The following SEZ6L variants were observed in gnomAD, a reference collection of about 807,000 sequenced individuals.
SEZ6L encodes seizure related 6 homolog like, also known as seizure 6-like protein.
In SEZ6L, 37 loss-of-function variants were observed where a neutral mutation model predicts 106.2. That is an observed-to-expected ratio of 0.35 (90% CI 0.27 to 0.46). The LOEUF is 0.46. Ranked by LOEUF, SEZ6L falls within the 20% of genes least tolerant of loss-of-function variation. The pLI is 1.00. For synonymous variants in SEZ6L, 541 were observed against 570.4 expected (o/e 0.95, Z 0.73); for missense variants, 1,172 against 1,332.8 (o/e 0.88, Z 1.88).
chr22:26,209,676 T>C (rs997307760), intron 1 of SEZ6L, among the ~76,000 whole-genome samples: 1 of 125,176 alleles, frequency 8.0e-6, no homozygotes, highest in Non-Finnish European at 1.6e-5. Context: ...GATGGAGAGA[T>C]AGATGACAGG....
intron 10 of SEZ6L, among the ~76,000 whole-genome samples, chr22:26,345,288 G>A (rs1438215618): frequency 1.3e-5 from 2 of 152,218 alleles, no homozygotes; most frequent in Non-Finnish European, 2.9e-5. Context: ...AGTAAACAGT[G>A]GGGACAAGAT....
At chr22:26,298,849 C>T (rs770938966) in intron 4 of SEZ6L, 135 bp from the exon 5 acceptor site, 1 of 695,054 alleles carries the variant, frequency 1.4e-6, no homozygotes, top group Non-Finnish European at 2.1e-6. Flanking sequence ...CACAAAAATA[C>T]CATTCTCCAG....
intron 1 of SEZ6L, among the ~76,000 whole-genome samples, chr22:26,196,142 A>G (rs1353223323): frequency 6.6e-6 from 1 of 152,100 alleles, no homozygotes; most frequent in Non-Finnish European, 1.5e-5. Flanking sequence ...TACTGTTCTC[A>G]TGATAGTGAG....
At chr22:26,292,137 AAAGAAAGAAAGG>A (rs1476837402) in intron 1 of SEZ6L, 7 of 386,276 alleles carry the variant, frequency 1.8e-5, no homozygotes, top group African/African-American at 1.1e-4. Context: ...GGGAGGAAAG[AAAGAAAGAAAGG>A]AAGGAAGGAA....
intron 9 of SEZ6L, among the ~76,000 whole-genome samples, chr22:26,316,880 GA>G (rs72163131): frequency 1.8e-3 from 91 of 50,596 alleles, no homozygotes; most frequent in Middle Eastern, 9.8e-3. Context: ...AGGAAAGAAA[GA>G]AAGAAAGAAA....
rs536396235 is a variant in SEZ6L at position 26,383,107 on chromosome 22, A to G, written c.*2812A>G. On this transcript the variant is annotated 3_prime_UTR_variant, in exon 17 of 17. Transcript: ENST00000248933. ...TTTTTTGTAGAATTATTTAGCTAAC[A>G]TAAGTATTCTGATTGCTACCTGATG... The G allele has an allele frequency of 8.4e-5, 12 of 143,012 alleles. No individual in the cohort carries two copies. In the East Asian group the frequency reaches 2.1e-3, roughly 25 times the overall value. The allele number at this position is 143,012 out of a possible 1,614,324, so 8.9% of individuals were successfully genotyped here. A position where few individuals can be genotyped will look rare whatever the true frequency, so the allele number is the denominator to read the frequency against.
At position 26,278,434 on chromosome 22, in the gene SEZ6L, C is replaced by T. The variant is rs142270332; in HGVS notation, c.95-13972C>T. Among the ~76,000 whole-genome samples, 361 of 152,276 alleles carry T rather than the reference C, an allele frequency of 2.4e-3. 7 individuals carry two copies. The East Asian group carries it at 0.041, about 17-fold the overall frequency. On this transcript the variant is annotated intron_variant, in intron 1 of 16. Transcript: ENST00000248933. ...GATAGGTAAGTTTTCAACCCTCACC[C>T]GTCTTCCACCCTCCCCACCTTTGGA...
At chr22:26,237,618 A>T (rs1454554567) in intron 1 of SEZ6L, among the ~76,000 whole-genome samples, 1 of 152,232 alleles carries the variant, frequency 6.6e-6, no homozygotes, top group African/African-American at 2.4e-5. Context: ...ACTAAAACCA[A>T]GGAACTGAGT....
At chr22:26,275,017 C>T (rs535751111) in intron 1 of SEZ6L, among the ~76,000 whole-genome samples, 231 of 152,280 alleles carry the variant, frequency 1.5e-3, no homozygotes, top group African/African-American at 5.0e-3. Flanking sequence ...CCCAGGTACA[C>T]GAAGACTCTA....
intron 15 of SEZ6L, among the ~76,000 whole-genome samples, chr22:26,376,457 G>A (rs1041817525): frequency 5.3e-5 from 8 of 152,228 alleles, no homozygotes; most frequent in Non-Finnish European, 8.8e-5. Flanking sequence ...AGAAACCTAT[G>A]CAGTCCAGGC....
At chr22:26,341,168 G>A (rs1038056010) in intron 10 of SEZ6L, among the ~76,000 whole-genome samples, 5 of 151,818 alleles carry the variant, frequency 3.3e-5, no homozygotes, top group Admixed American at 6.6e-5. Flanking sequence ...CCTTCCTTTC[G>A]CACTTCTTGT....
intron 5 of SEZ6L, among the ~76,000 whole-genome samples, chr22:26,300,401 G>A (rs1328987576): frequency 6.6e-6 from 1 of 151,922 alleles, no homozygotes; most frequent in African/African-American, 2.4e-5. Context: ...GAGAACATGC[G>A]GTGTTTGGTT....
intron 5 of SEZ6L, among the ~76,000 whole-genome samples, chr22:26,302,132 C>T (rs559559957): frequency 6.6e-6 from 1 of 152,312 alleles, no homozygotes; most frequent in South Asian, 2.1e-4. Flanking sequence ...AAGTAACATA[C>T]TTGAAGTGGC....
In SEZ6L at chr22:26,347,785, A is replaced by T. The variant is rs200745477; in HGVS notation, c.2279A>T (p.His760Leu). ...CAGAATGGCTGGAAAACCACTTCTC[A>T]CACGGAGTTGGTGCGGGGAGCCAGA... ...EIQNGWKTTSHTELVRGARIT... is the reference protein window; with the variant it reads ...EIQNGWKTTSLTELVRGARIT... The change falls in exon 11 of 17, where the codon CAC becomes CTC. Residue 760 changes from histidine to leucine, a missense_variant. By Grantham distance (99) the His-to-Leu change is moderately conservative. Around this residue, in one of 4 missense-constraint regions of SEZ6L, gnomAD observed 534 missense variants for 691.0 expected, o/e 0.77. Coordinates refer to ENST00000248933, the MANE Select transcript of SEZ6L (RefSeq NM_021115.5). 6.8e-6 allele frequency: 11 copies of T among 1,609,992 alleles called. No homozygotes were observed. In the African/African-American group the frequency reaches 9.4e-5, roughly 14 times the overall value.
At chr22:26,196,942 G>C (rs1474602) in intron 1 of SEZ6L, among the ~76,000 whole-genome samples, 1,933 of 152,276 alleles carry the variant, frequency 0.013, 10 homozygotes, top group African/African-American at 0.017. Context: ...CAGTTGTAAG[G>C]CTCTTGCAAC....
At chr22:26,316,923 A>AAAAGAAAGAAAGAAAGAAAAAG (rs796245709) in intron 9 of SEZ6L, among the ~76,000 whole-genome samples, 1 of 150,168 alleles carries the variant, frequency 6.7e-6, no homozygotes, top group African/African-American at 2.4e-5. Context: ...GAAAGAAAGA[A>AAAAGAAAGAAAGAAAGAAAAAG]AAAGAAAGAA....
At chr22:26,194,831 T>C (rs955555684) in intron 1 of SEZ6L, among the ~76,000 whole-genome samples, 1 of 152,206 alleles carries the variant, frequency 6.6e-6, no homozygotes, top group Non-Finnish European at 1.5e-5. Context: ...TTTGTGTAGA[T>C]ACAAAAGCAT....
chr22:26,209,050 T>A (rs1170405459), intron 1 of SEZ6L, among the ~76,000 whole-genome samples: 1 of 152,164 alleles, frequency 6.6e-6, no homozygotes, highest in African/African-American at 2.4e-5. Flanking sequence ...TTAAGCTCCA[T>A]CAGTGAATAT....
At chr22:26,360,705 C>G (rs1404643430) in intron 12 of SEZ6L, among the ~76,000 whole-genome samples, 1 of 152,184 alleles carries the variant, frequency 6.6e-6, no homozygotes, top group Non-Finnish European at 1.5e-5. Flanking sequence ...GAGGCTTCTC[C>G]TGTGCGCTTT....
Sources: allele counts gnomAD v4.1 joint callset (sites outside exome capture counted in the v4.1 genomes callset), GRCh38; gene constraint gnomAD v4.1.1; regional missense constraint gnomAD v4.1.1; transcripts MANE v1.5; gene names NCBI Gene and HGNC (gene_info 2026-07-23, HGNC 2026-07-21).